Variants in CHN1 observed in about 807,000 individuals in gnomAD.
CHN1 encodes the protein chimerin 1.
Under a neutral mutation model 59.5 loss-of-function variants are expected in CHN1, and 37 were observed. The observed-to-expected ratio is 0.62, with a 90% CI of 0.48 to 0.82. CHN1 has a LOEUF of 0.82. Ranked by LOEUF, CHN1 falls within the 40% of genes least tolerant of loss-of-function variation. The probability of loss-of-function intolerance (pLI) is 0.00; values close to 1 mark genes in which losing one functional copy is unlikely to be tolerated. For synonymous variants in CHN1, 206 were observed against 200.4 expected, an observed-to-expected ratio of 1.03 and a Z score of -0.24; for missense variants, 469 against 571.0, an observed-to-expected ratio of 0.82 and a Z score of 1.82.
chr2:174,941,231 C>T (rs774710423), intron 3 of CHN1, among the ~76,000 whole-genome samples: 46 of 152,130 alleles, frequency 3.0e-4, no homozygotes, highest in Non-Finnish European at 5.9e-4. Context: ...TGTTCCAGGA[C>T]TTCTTTGCCC....
intron 1 of CHN1, among the ~76,000 whole-genome samples, chr2:174,969,877 C>CAGTGTGG (rs1180672355): frequency 3.9e-5 from 6 of 152,206 alleles, no homozygotes; most frequent in African/African-American, 1.4e-4. Context: ...GGTCTGTAAA[C>CAGTGTGG]ACTTGTGGGT....
intron 8 of CHN1, among the ~76,000 whole-genome samples, chr2:174,817,827 C>T (rs1240895464): frequency 5.3e-5 from 8 of 151,964 alleles, no homozygotes; most frequent in African/African-American, 9.7e-5. Context: ...TTAGTAGAGA[C>T]GGAGTTTCAC....
At chr2:174,809,547 C>T (rs1489826298) in intron 10 of CHN1, among the ~76,000 whole-genome samples, 2 of 152,166 alleles carry the variant, frequency 1.3e-5, no homozygotes, top group Non-Finnish European at 2.9e-5. Flanking sequence ...GAGTAACATG[C>T]CGGGGCTTAC....
chr2:174,807,439 G>A (rs986529733), intron 11 of CHN1, among the ~76,000 whole-genome samples: 3 of 123,556 alleles, frequency 2.4e-5, no homozygotes, highest in South Asian at 2.8e-4. Flanking sequence ...AGCTTTTCAC[G>A]GGCTATCTGT....
chr2:174,858,521 A>T (rs559764514), intron 6 of CHN1, among the ~76,000 whole-genome samples: 65 of 152,074 alleles, frequency 4.3e-4, no homozygotes, highest in Non-Finnish European at 8.1e-4. Context: ...CATACATTTA[A>T]TTTTCTTTGT....
intron 7 of CHN1, 98 bp downstream of exon 7, chr2:174,846,782 A>C: frequency 8.4e-7 from 1 of 1,192,490 alleles, no homozygotes; most frequent in Admixed American, 2.9e-5. Context: ...CATTTTAGTC[A>C]AGTCATCCTA....
intron 1 of CHN1, among the ~76,000 whole-genome samples, chr2:175,004,042 T>C (rs190737921): frequency 1.3e-5 from 2 of 152,334 alleles, no homozygotes; most frequent in East Asian, 1.9e-4. Flanking sequence ...ATCAATTACA[T>C]ATCATTGTAC....
At chr2:174,981,430 G>A (rs2105449867) in intron 1 of CHN1, among the ~76,000 whole-genome samples, 1 of 151,546 alleles carries the variant, frequency 6.6e-6, no homozygotes, top group South Asian at 2.1e-4. Context: ...TTTTGAGACA[G>A]TAAAAGATGC....
intron 6 of CHN1, among the ~76,000 whole-genome samples, chr2:174,849,609 A>G (rs1686658862): frequency 6.6e-6 from 1 of 152,188 alleles, no homozygotes; most frequent in Non-Finnish European, 1.5e-5. Flanking sequence ...TGTATCACTC[A>G]TGCTTACAAT....
intron 12 of CHN1, 30 bp from the exon 13 acceptor site, chr2:174,800,317 C>T (rs1200833713): frequency 1.4e-6 from 2 of 1,411,358 alleles, no homozygotes; most frequent in Admixed American, 2.6e-5. Context: ...GAATAAATGA[C>T]TTTGTGTAAG....
rs539875122 is a variant in CHN1, at chr2:174,946,074, CA to C, written c.59-1132del. ...GGGTTAAGAATTTGAACTCTTGAACCAAACCATCTGGAGTCTGAACACTGGG... is the reference window on the plus strand; with the variant it reads ...GGGTTAAGAATTTGAACTCTTGAACCAACCATCTGGAGTCTGAACACTGGG... On this transcript the variant is annotated intron_variant, in intron 2 of 12. Coordinates refer to ENST00000409900, the MANE Select transcript of CHN1 (RefSeq NM_001822.7). 3.0e-3 allele frequency among the ~76,000 whole-genome samples: 450 copies of C among 152,196 alleles called. 2 individuals carry two copies. The highest frequency in any genetic ancestry group is 0.012 in the South Asian group (58 of 4,814).
chr2:174,956,018 C>T (rs1690192302), intron 1 of CHN1, among the ~76,000 whole-genome samples: 1 of 152,078 alleles, frequency 6.6e-6, no homozygotes, highest in African/African-American at 2.4e-5. Context: ...GCACATGTAT[C>T]CCCATATCTA....
At position 175,005,174 on chromosome 2, in the gene CHN1, C is replaced by T. The variant is rs993156715; in HGVS notation, c.-262G>A. ...GCGAGCCGGCACTTGTCGCTGCCAT[C>T]AGGCGCGGAGCGTGCGCGCGGGAGG... is the stretch of plus-strand genomic sequence containing the variant. On this transcript the variant is annotated 5_prime_UTR_variant, in exon 1 of 13. Transcript: ENST00000409900. The T allele has an allele frequency of 7.8e-7, 1 of 1,277,628 alleles. No individual in the cohort carries two copies. The highest frequency in any genetic ancestry group is 9.9e-7 in the Non-Finnish European group (1 of 1,010,088). 79.1% of individuals were successfully genotyped at this position (1,277,628 alleles called of 1,614,324 possible).
chr2:174,893,954 C>T (rs1285463625), intron 5 of CHN1, among the ~76,000 whole-genome samples: 6 of 152,126 alleles, frequency 3.9e-5, no homozygotes, highest in Admixed American at 6.6e-5. Flanking sequence ...ACACCATGTA[C>T]AAACATCAAC....
At chr2:174,948,720 GATCT>G (rs1162448256) in intron 2 of CHN1, among the ~76,000 whole-genome samples, 5 of 152,128 alleles carry the variant, frequency 3.3e-5, no homozygotes, top group Admixed American at 6.6e-5. Context: ...TACTTTTATA[GATCT>G]ATTACAGAAG....
At chr2:174,925,520 T>C (rs1235338317) in intron 3 of CHN1, among the ~76,000 whole-genome samples, 2 of 152,092 alleles carry the variant, frequency 1.3e-5, no homozygotes, top group African/African-American at 4.8e-5. Flanking sequence ...GACCTAGGAG[T>C]GATTAAACAA....
chr2:174,869,535 G>A (rs1380720815), intron 6 of CHN1, among the ~76,000 whole-genome samples: 1 of 152,082 alleles, frequency 6.6e-6, no homozygotes, highest in Non-Finnish European at 1.5e-5. Flanking sequence ...TTCTACAAGA[G>A]GGCATGAGAG....
chr2:174,916,075 G>A (rs1202788043), intron 4 of CHN1, among the ~76,000 whole-genome samples: 1 of 152,148 alleles, frequency 6.6e-6, no homozygotes, highest in Non-Finnish European at 1.5e-5. Flanking sequence ...CCTAAAGATA[G>A]ATCATCCAAA....
At chr2:174,959,308 T>C (rs1210666240) in intron 1 of CHN1, among the ~76,000 whole-genome samples, 1 of 152,206 alleles carries the variant, frequency 6.6e-6, no homozygotes, top group African/African-American at 2.4e-5. Context: ...CTTATGTTTA[T>C]GGGTAGAGAC....
Sources: gnomAD v4.1 joint callset for allele counts (sites outside exome capture counted in the v4.1 genomes callset) on GRCh38, gnomAD v4.1.1 for gene constraint, MANE v1.5 for transcripts, NCBI Gene and HGNC (gene_info 2026-07-23, HGNC 2026-07-21) for gene names.